The following KAZN variants were observed in gnomAD, a reference collection of about 807,000 sequenced individuals.
KAZN encodes the protein kazrin.
A neutral mutation model predicts 87.4 loss-of-function variants in KAZN; 40 were observed. That is an observed-to-expected ratio of 0.46 (90% CI 0.36 to 0.60). The LOEUF is 0.60. Among genes scored for constraint, KAZN ranks in the 20% least tolerant of loss-of-function variants. The pLI is 0.00. For missense variants in KAZN, 898 were observed against 1,073.9 expected (o/e 0.84, Z 2.29); for synonymous variants, 466 against 458.3 (o/e 1.02, Z -0.22).
At chr1:14,232,504 T>C (rs745827764) in intron 2 of KAZN, among the ~76,000 whole-genome samples, 4 of 152,126 alleles carry the variant, frequency 2.6e-5, no homozygotes, top group Non-Finnish European at 5.9e-5. Flanking sequence ...AGTCTTGAGC[T>C]CTCCCTAGGG....
chr1:14,800,938 A>G, intron 1 of KAZN, among the ~76,000 whole-genome samples: 1 of 151,912 alleles, frequency 6.6e-6, no homozygotes, highest in Non-Finnish European at 1.5e-5. Flanking sequence ...GCTGATAAAA[A>G]TGTTCTGGAA....
chr1:14,638,193 C>T (rs916988369), intron 1 of KAZN, among the ~76,000 whole-genome samples: 1 of 152,222 alleles, frequency 6.6e-6, no homozygotes, highest in African/African-American at 2.4e-5. Context: ...TTTCCAAATA[C>T]GTCCACATTC....
At chr1:15,075,837 G>A (rs1639714743) in intron 8 of KAZN, among the ~76,000 whole-genome samples, 1 of 152,190 alleles carries the variant, frequency 6.6e-6, no homozygotes, top group Non-Finnish European at 1.5e-5. Context: ...TATAGACAGA[G>A]GGGCTGAGTC....
chr1:14,848,846 T>A (rs1258544327), intron 1 of KAZN, among the ~76,000 whole-genome samples: 2 of 152,176 alleles, frequency 1.3e-5, no homozygotes, highest in African/African-American at 4.8e-5. Context: ...GGTGGAGACA[T>A]CTGTGTAGCG....
At chr1:14,044,821 C>T (rs2101422896) in intron 1 of KAZN, among the ~76,000 whole-genome samples, 1 of 152,266 alleles carries the variant, frequency 6.6e-6, no homozygotes, top group South Asian at 2.1e-4. Flanking sequence ...ATCTGTTGTA[C>T]CTTTAGTGAC....
Position 14,070,873 on chromosome 1 carries a change from C to T in KAZN, c.92-109562C>T, listed in dbSNP as rs1297683683. Among the ~76,000 whole-genome samples, 3 of 152,146 alleles carry T rather than the reference C, an allele frequency of 2.0e-5. No individual in the cohort carries two copies. In the East Asian group the frequency reaches 5.8e-4, roughly 29 times the overall value. ...CAGACCATGCCTTATCTGAATGTTA[C>T]AGATACTCAAATCGAGGTATCGTCA... On this transcript the variant is annotated intron_variant, in intron 1 of 16. Transcript: ENST00000636203.
At chr1:14,789,444 T>A (rs1645606815) in intron 1 of KAZN, among the ~76,000 whole-genome samples, 1 of 152,142 alleles carries the variant, frequency 6.6e-6, no homozygotes, top group African/African-American at 2.4e-5. Flanking sequence ...TGGAAACACC[T>A]GTGTATGTTC....
intron 1 of KAZN, among the ~76,000 whole-genome samples, chr1:14,712,671 A>T (rs867500612): frequency 6.6e-6 from 1 of 152,172 alleles, no homozygotes; most frequent in African/African-American, 2.4e-5. Context: ...ACAGTTGCTA[A>T]ATCATCTATT....
chr1:14,664,749 G>T (rs1639412905), intron 1 of KAZN, among the ~76,000 whole-genome samples: 1 of 151,406 alleles, frequency 6.6e-6, no homozygotes, highest in East Asian at 2.0e-4. Flanking sequence ...CGCCTCCCAG[G>T]TTCACGGTAT....
chr1:14,342,025 G>A (rs1043899999), intron 2 of KAZN, among the ~76,000 whole-genome samples: 3 of 152,108 alleles, frequency 2.0e-5, no homozygotes, highest in Admixed American at 6.6e-5. Context: ...TGCTCCCAAT[G>A]CATGTGTCCG....
intron 1 of KAZN, among the ~76,000 whole-genome samples, chr1:14,687,553 A>G (rs1472336562): frequency 6.6e-6 from 1 of 152,226 alleles, no homozygotes; most frequent in Non-Finnish European, 1.5e-5. Context: ...CCCAGCAAAG[A>G]GTCCAGAGGT....
intron 2 of KAZN, among the ~76,000 whole-genome samples, chr1:14,571,079 G>A (rs1167970265): frequency 1.3e-5 from 2 of 151,986 alleles, no homozygotes; most frequent in African/African-American, 4.8e-5. Flanking sequence ...CCTAACCTTG[G>A]CTCCTCTGCC....
chr1:14,639,867 C>T (rs752451125), intron 1 of KAZN, among the ~76,000 whole-genome samples: 6 of 152,144 alleles, frequency 3.9e-5, no homozygotes, highest in South Asian at 4.1e-4. Flanking sequence ...TCGTCTCCAT[C>T]GAGCAGCTGT....
chr1:13,907,027 G>C (rs931832645), intron 1 of KAZN, among the ~76,000 whole-genome samples: 2 of 152,174 alleles, frequency 1.3e-5, no homozygotes, highest in Admixed American at 6.5e-5. Flanking sequence ...TGGTTATGGT[G>C]GGCTTCTTGT....
intron 1 of KAZN, among the ~76,000 whole-genome samples, chr1:14,939,881 A>G (rs1042858700): frequency 4.6e-5 from 7 of 152,130 alleles, no homozygotes; most frequent in Non-Finnish European, 1.0e-4. Flanking sequence ...CCCCAGTCAC[A>G]GGGGGCCTGG....
intron 1 of KAZN, among the ~76,000 whole-genome samples, chr1:14,614,400 T>A (rs1311647233): frequency 6.6e-6 from 1 of 152,210 alleles, no homozygotes; most frequent in Non-Finnish European, 1.5e-5. Flanking sequence ...TTCTCTTCCT[T>A]CGTGTTTGGT....
intron 2 of KAZN, among the ~76,000 whole-genome samples, chr1:14,459,187 C>T (rs774908796): frequency 5.1e-4 from 78 of 152,184 alleles, no homozygotes; most frequent in Non-Finnish European, 9.9e-4. Context: ...TTTGCCATTT[C>T]CCCCTACCCT....
At chr1:14,801,296 C>T (rs900272590) in intron 1 of KAZN, among the ~76,000 whole-genome samples, 1 of 152,120 alleles carries the variant, frequency 6.6e-6, no homozygotes, top group African/African-American at 2.4e-5. Flanking sequence ...TCCAGGGAGT[C>T]AAAACCAGGA....
intron 1 of KAZN, among the ~76,000 whole-genome samples, chr1:14,907,495 G>T (rs1455865136): frequency 6.6e-6 from 1 of 152,000 alleles, no homozygotes; most frequent in East Asian, 1.9e-4. Flanking sequence ...TCCAGGAGAT[G>T]ATTGTGTTCA....
Sources: allele counts gnomAD v4.1 joint callset (sites outside exome capture counted in the v4.1 genomes callset), GRCh38; gene constraint gnomAD v4.1.1; transcripts MANE v1.5; gene names NCBI Gene and HGNC (gene_info 2026-07-23, HGNC 2026-07-21).